Variants in ARHGEF3 observed in about 807,000 individuals in gnomAD.
ARHGEF3 encodes Rho guanine nucleotide exchange factor 3.
Under a neutral mutation model 63.2 loss-of-function variants are expected in ARHGEF3, and 28 were observed. The observed-to-expected ratio is 0.44, with a 90% CI of 0.33 to 0.61. The LOEUF is 0.61. Among genes scored for constraint, ARHGEF3 ranks in the 20% least tolerant of loss-of-function variants. The pLI is 0.03. For missense variants in ARHGEF3, 533 were observed against 659.3 expected (o/e 0.81, Z 2.10); for synonymous variants, 266 against 254.2 (o/e 1.05, Z -0.44).
intron 4 of ARHGEF3, among the ~76,000 whole-genome samples, chr3:56,833,923 C>CT (rs556483077): frequency 6.6e-6 from 1 of 150,504 alleles, no homozygotes; most frequent in Non-Finnish European, 1.5e-5. Context: ...TGTTTTCCCC[C>CT]CCCAATTTTT....
At chr3:56,849,031 C>T (rs1365108814) in intron 4 of ARHGEF3, among the ~76,000 whole-genome samples, 4 of 152,188 alleles carry the variant, frequency 2.6e-5, no homozygotes, top group Non-Finnish European at 5.9e-5. Context: ...GAACTGAACA[C>T]TAATTATTAT....
intron 2 of ARHGEF3, among the ~76,000 whole-genome samples, chr3:56,772,412 G>A (rs1436876627): frequency 6.6e-6 from 1 of 152,226 alleles, no homozygotes; most frequent in East Asian, 1.9e-4. Context: ...CATGAGGCAT[G>A]CCTTGGGTTC....
intron 2 of ARHGEF3, among the ~76,000 whole-genome samples, chr3:57,020,151 G>A (rs1369509124): frequency 6.6e-6 from 1 of 152,162 alleles, no homozygotes; most frequent in Non-Finnish European, 1.5e-5. Flanking sequence ...ACCTGCCTTG[G>A]CCTTCCCAAG....
At chr3:56,801,177 G>C (rs1210430281) in intron 1 of ARHGEF3, among the ~76,000 whole-genome samples, 1 of 152,246 alleles carries the variant, frequency 6.6e-6, no homozygotes, top group African/African-American at 2.4e-5. Flanking sequence ...GGCCACAGGT[G>C]ATAGGCAGAG....
chr3:56,842,676 G>A (rs1445593893), intron 4 of ARHGEF3, among the ~76,000 whole-genome samples: 1 of 152,176 alleles, frequency 6.6e-6, no homozygotes, highest in Non-Finnish European at 1.5e-5. Flanking sequence ...GTGAAGAGCA[G>A]AGATGTCTGG....
chr3:56,866,273 T>C (rs371754171), intron 4 of ARHGEF3, among the ~76,000 whole-genome samples: 1 of 152,342 alleles, frequency 6.6e-6, no homozygotes, highest in South Asian at 2.1e-4. Context: ...CTGTTTAGTT[T>C]TTCCCTGTCT....
chr3:56,766,074 A>G (rs906125858), intron 2 of ARHGEF3, among the ~76,000 whole-genome samples: 15 of 151,828 alleles, frequency 9.9e-5, no homozygotes, highest in Non-Finnish European at 1.2e-4. Context: ...ATCAACTGGG[A>G]CAGTGGTTTT....
intron 2 of ARHGEF3, among the ~76,000 whole-genome samples, chr3:56,981,307 T>C (rs1701318646): frequency 1.3e-5 from 2 of 152,192 alleles, no homozygotes; most frequent in African/African-American, 4.8e-5. Context: ...CCAGGGTAAA[T>C]CTTTCTTAAT....
At chr3:57,062,233 G>A (rs2107351016) in intron 1 of ARHGEF3, among the ~76,000 whole-genome samples, 1 of 152,272 alleles carries the variant, frequency 6.6e-6, no homozygotes, top group East Asian at 1.9e-4. Context: ...CCACACTCTG[G>A]GCCTGTCCTC....
intron 2 of ARHGEF3, among the ~76,000 whole-genome samples, chr3:56,959,809 C>G (rs1163721282): frequency 1.3e-5 from 2 of 152,160 alleles, no homozygotes; most frequent in African/African-American, 2.4e-5. Context: ...GAAACCCCAT[C>G]TCTACTAAAA....
intron 2 of ARHGEF3, among the ~76,000 whole-genome samples, chr3:56,983,674 A>C (rs1003791825): frequency 6.6e-6 from 1 of 152,150 alleles, no homozygotes; most frequent in Non-Finnish European, 1.5e-5. Context: ...GCAGTGGCTG[A>C]CGCCTGTAAT....
chr3:56,992,825 C>T (rs1017610673), intron 2 of ARHGEF3, among the ~76,000 whole-genome samples: 1 of 152,108 alleles, frequency 6.6e-6, no homozygotes, highest in South Asian at 2.1e-4. Context: ...CTCAAGGAAG[C>T]TTTTTATTTT....
At chr3:57,013,304 C>G (rs951775278) in intron 2 of ARHGEF3, among the ~76,000 whole-genome samples, 2 of 152,240 alleles carry the variant, frequency 1.3e-5, no homozygotes, top group African/African-American at 4.8e-5. Context: ...GGCATGGGAT[C>G]CACTAGGCGA....
intron 2 of ARHGEF3, among the ~76,000 whole-genome samples, chr3:57,004,521 T>C (rs554167494): frequency 1.8e-4 from 27 of 152,308 alleles, no homozygotes; most frequent in African/African-American, 6.5e-4. Flanking sequence ...ATAAGCAGAT[T>C]ATTCTCATGT....
At chr3:56,973,420 G>T (rs1237100807) in intron 2 of ARHGEF3, among the ~76,000 whole-genome samples, 1 of 152,192 alleles carries the variant, frequency 6.6e-6, no homozygotes, top group Non-Finnish European at 1.5e-5. Flanking sequence ...AATTTAGCCT[G>T]AACAATGGGA....
At chr3:56,864,791 G>A (rs1351236256) in intron 4 of ARHGEF3, among the ~76,000 whole-genome samples, 2 of 152,150 alleles carry the variant, frequency 1.3e-5, no homozygotes, top group Admixed American at 1.3e-4. Context: ...AATGATCAAT[G>A]CCACTTAACA....
intron 2 of ARHGEF3, among the ~76,000 whole-genome samples, chr3:56,972,976 G>A (rs1700977636): frequency 6.6e-6 from 1 of 151,824 alleles, no homozygotes. Flanking sequence ...CAAGATGGTG[G>A]CAGTGGGGGT....
At chr3:56,829,572 A>G (rs141601044) in intron 4 of ARHGEF3, among the ~76,000 whole-genome samples, 1 of 152,314 alleles carries the variant, frequency 6.6e-6, no homozygotes, top group East Asian at 1.9e-4. Flanking sequence ...AAGAGGTAAT[A>G]ATGCCTCCCG....
rs1305192365 is a variant in ARHGEF3, at chr3:56,983,270, G to T, written c.63-24381C>A. Among the ~76,000 whole-genome samples the T allele has an allele frequency of 5.9e-5, 9 of 151,848 alleles. 1 individual carries two copies. Among genetic ancestry groups the T allele is most frequent in the Non-Finnish European group, 1.5e-5 (1 of 67,974 alleles). On this transcript the variant is annotated intron_variant, in intron 2 of 12. Transcript: ENST00000338458. ...TATTTTAAAAAATCTCATCACTAAG[G>T]GCCCCTATTTCCACAAGTGACCATG...
Sources: gnomAD v4.1 joint callset for allele counts (sites outside exome capture counted in the v4.1 genomes callset) on GRCh38, gnomAD v4.1.1 for gene constraint, MANE v1.5 for transcripts, NCBI Gene and HGNC (gene_info 2026-07-23, HGNC 2026-07-21) for gene names.